Variants in RBMS3 observed in about 807,000 individuals in gnomAD.
RBMS3 encodes RNA binding motif single stranded interacting protein 3, also known as RNA-binding motif, single-stranded-interacting protein 3.
A neutral mutation model predicts 66.8 loss-of-function variants in RBMS3; 27 were observed. The ratio of observed to expected loss-of-function variants is 0.40; its 90% CI spans 0.30 to 0.56. The LOEUF is 0.56. RBMS3 is among the 20% of genes least tolerant of loss of function. RBMS3 has a pLI of 0.40. For missense variants in RBMS3, 513 were observed against 549.5 expected, an observed-to-expected ratio of 0.93 and a Z score of 0.66; for synonymous variants, 188 against 183.0, an observed-to-expected ratio of 1.03 and a Z score of -0.22.
intron 6 of RBMS3, among the ~76,000 whole-genome samples, chr3:29,787,472 T>TA (rs1461437326): frequency 2.0e-5 from 3 of 150,074 alleles, no homozygotes; most frequent in Non-Finnish European, 4.4e-5. Context: ...GAAAATGTGG[T>TA]ATATATACGC....
At chr3:29,394,343 C>T (rs1160503366) in intron 1 of RBMS3, among the ~76,000 whole-genome samples, 1 of 152,174 alleles carries the variant, frequency 6.6e-6, no homozygotes. Flanking sequence ...TCGCTGTTAT[C>T]CTGTTCCTTT....
chr3:29,612,405 G>T (rs2048522579), intron 4 of RBMS3, among the ~76,000 whole-genome samples: 1 of 151,960 alleles, frequency 6.6e-6, no homozygotes, highest in East Asian at 1.9e-4. Context: ...TATGAGCCCT[G>T]TATTAATGAA....
chr3:29,590,160 T>C (rs78100661), intron 4 of RBMS3, among the ~76,000 whole-genome samples: 3,046 of 152,102 alleles, frequency 0.02, 41 homozygotes, highest in Middle Eastern at 0.034. Flanking sequence ...TAATACATAG[T>C]GGTTAGGAGC....
chr3:29,336,247 T>A (rs1214108795), intron 1 of RBMS3, among the ~76,000 whole-genome samples: 3 of 151,924 alleles, frequency 2.0e-5, no homozygotes, highest in Non-Finnish European at 4.4e-5. Flanking sequence ...GGCTTAGGAG[T>A]GGATGTACTT....
Position 30,006,455 on chromosome 3 carries a change from C to T in RBMS3, c.*2593C>T, listed in dbSNP as rs375847188. The T allele has an allele frequency of 3.0e-4, 46 of 151,998 alleles. No individual in the cohort carries two copies. Among genetic ancestry groups the T allele is most frequent in the African/African-American group, 9.9e-4 (41 of 41,538 alleles). The allele number at this position is 151,998 out of a possible 1,614,324, so 9.4% of individuals were successfully genotyped here. A position where few individuals can be genotyped will look rare whatever the true frequency, so the allele number is the denominator to read the frequency against. On this transcript the variant is annotated 3_prime_UTR_variant, in exon 15 of 15. Coordinates refer to ENST00000383767, the MANE Select transcript of RBMS3 (RefSeq NM_001003793.3). ...TATAGAGAAATTCCAACTGGTCACA[C>T]TCACCATTATGGTTTTTCATGCTTT...
intron 6 of RBMS3, among the ~76,000 whole-genome samples, chr3:29,825,870 A>G (rs763636508): frequency 6.6e-6 from 1 of 152,240 alleles, no homozygotes; most frequent in Non-Finnish European, 1.5e-5. Flanking sequence ...AATGATATTA[A>G]TAATCAAATC....
intron 7 of RBMS3, among the ~76,000 whole-genome samples, chr3:29,881,931 A>T (rs941614678): frequency 1.3e-5 from 2 of 152,158 alleles, no homozygotes; most frequent in African/African-American, 4.8e-5. Flanking sequence ...GCTTCCTATA[A>T]GTCCCCAGGA....
At chr3:29,834,765 CA>C (rs1199846881) in intron 6 of RBMS3, among the ~76,000 whole-genome samples, 1 of 151,854 alleles carries the variant, frequency 6.6e-6, no homozygotes. Context: ...GACAAAAGGG[CA>C]ATAGTAAGTC....
intron 12 of RBMS3, among the ~76,000 whole-genome samples, chr3:29,944,793 T>C (rs1695184202): frequency 6.6e-6 from 1 of 151,748 alleles, no homozygotes; most frequent in African/African-American, 2.4e-5. Context: ...CCAAAACGAT[T>C]CTTTTGGATA....
intron 4 of RBMS3, among the ~76,000 whole-genome samples, chr3:29,635,024 A>C (rs2049424421): frequency 6.6e-6 from 1 of 151,930 alleles, no homozygotes; most frequent in Non-Finnish European, 1.5e-5. Flanking sequence ...AGGCAATCTT[A>C]CAAATCACTA....
chr3:29,400,317 G>C (rs1383858824), intron 1 of RBMS3, among the ~76,000 whole-genome samples: 1 of 152,030 alleles, frequency 6.6e-6, no homozygotes, highest in African/African-American at 2.4e-5. Context: ...AATAGGCCAG[G>C]CACAAAAGGA....
chr3:29,409,717 G>A (rs1323676227), intron 1 of RBMS3, among the ~76,000 whole-genome samples: 1 of 152,218 alleles, frequency 6.6e-6, no homozygotes, highest in Non-Finnish European at 1.5e-5. Context: ...GAGCTAATGT[G>A]AGAGTATACT....
At chr3:29,717,443 T>C (rs1047142933) in intron 4 of RBMS3, among the ~76,000 whole-genome samples, 2 of 152,110 alleles carry the variant, frequency 1.3e-5, no homozygotes, top group Non-Finnish European at 2.9e-5. Flanking sequence ...TTTCTCTTCT[T>C]CTGTCCCTTT....
At chr3:29,345,314 G>GA (rs2036509893) in intron 1 of RBMS3, among the ~76,000 whole-genome samples, 1 of 152,156 alleles carries the variant, frequency 6.6e-6, no homozygotes, top group African/African-American at 2.4e-5. Flanking sequence ...ATTGTCTCTT[G>GA]AAAACTCATG....
intron 3 of RBMS3, among the ~76,000 whole-genome samples, chr3:29,513,768 G>GA (rs1233820454): frequency 2.0e-5 from 3 of 151,792 alleles, no homozygotes; most frequent in African/African-American, 7.2e-5. Flanking sequence ...CCTTCTATTT[G>GA]AAAAAAAATA....
At chr3:29,789,574 A>G (rs1559673801) in intron 6 of RBMS3, among the ~76,000 whole-genome samples, 1 of 152,076 alleles carries the variant, frequency 6.6e-6, no homozygotes, top group East Asian at 1.9e-4. Context: ...GTCTTAATTG[A>G]CTTACTAGTC....
intron 2 of RBMS3, among the ~76,000 whole-genome samples, chr3:29,444,316 G>A (rs1198474655): frequency 6.6e-6 from 1 of 151,998 alleles, no homozygotes; most frequent in Non-Finnish European, 1.5e-5. Flanking sequence ...GAAGTTAAGT[G>A]ACTTTCCCAA....
chr3:29,702,024 G>C (rs1376807141), intron 4 of RBMS3, among the ~76,000 whole-genome samples: 1 of 152,212 alleles, frequency 6.6e-6, no homozygotes, highest in Admixed American at 6.5e-5. Context: ...GGGACTTGGA[G>C]AACTTTTATG....
At chr3:29,979,957 G>T (rs1434969949) in intron 12 of RBMS3, among the ~76,000 whole-genome samples, 1 of 152,194 alleles carries the variant, frequency 6.6e-6, no homozygotes, top group African/African-American at 2.4e-5. Context: ...ACCCAGTAAT[G>T]GGATTGCTGG....
Sources: allele counts gnomAD v4.1 joint callset (sites outside exome capture counted in the v4.1 genomes callset), GRCh38; gene constraint gnomAD v4.1.1; transcripts MANE v1.5; gene names NCBI Gene and HGNC (gene_info 2026-07-23, HGNC 2026-07-21).